KHDRBS2: variants seen among roughly 807,000 people sequenced by gnomAD.
The protein encoded by KHDRBS2 is KH domain-containing, RNA-binding, signal transduction-associated protein 2.
KHDRBS2 carries 26 observed loss-of-function variants against 44.3 expected under a neutral mutation model. The ratio of observed to expected loss-of-function variants is 0.59; its 90% CI spans 0.43 to 0.81. The LOEUF is 0.81. Ranked by LOEUF, KHDRBS2 falls within the 40% of genes least tolerant of loss-of-function variation. The probability of loss-of-function intolerance (pLI) is 0.00; values close to 1 mark genes in which losing one functional copy is unlikely to be tolerated. For synonymous variants in KHDRBS2, 194 were observed against 151.1 expected, an observed-to-expected ratio of 1.28 and a Z score of -2.08; for missense variants, 476 against 433.1, an observed-to-expected ratio of 1.10 and a Z score of -0.88.
chr6:62,090,375 A>G (rs1799267922), intron 2 of KHDRBS2, among the ~76,000 whole-genome samples: 1 of 152,198 alleles, frequency 6.6e-6, no homozygotes, highest in South Asian at 2.1e-4. Flanking sequence ...AATACTCATT[A>G]TCAACTAGTA....
intron 1 of KHDRBS2, among the ~76,000 whole-genome samples, chr6:62,255,603 AAAAC>A (rs1563143479): frequency 1.1e-5 from 1 of 93,280 alleles, no homozygotes; most frequent in Non-Finnish European, 2.0e-5. Context: ...CTCATGCTTT[AAAAC>A]ACACACACAC....
intron 1 of KHDRBS2, among the ~76,000 whole-genome samples, chr6:62,285,582 T>C (rs552683115): frequency 2.6e-5 from 4 of 152,296 alleles, no homozygotes; most frequent in Admixed American, 2.0e-4. Context: ...ACATACACTT[T>C]ATGGTTTCTC....
chr6:62,004,266 A>C (rs1778807796), intron 3 of KHDRBS2, among the ~76,000 whole-genome samples: 4 of 152,170 alleles, frequency 2.6e-5, no homozygotes, highest in Non-Finnish European at 4.4e-5. Flanking sequence ...CAAGACTAGT[A>C]AAGAAGAAAA....
chr6:61,663,656 A>G, the KHDRBS2 span, among the ~76,000 whole-genome samples: 3 of 149,896 alleles, frequency 2.0e-5, no homozygotes, highest in African/African-American at 7.3e-5. Flanking sequence ...CACGTGTATC[A>G]TAAGACCTTA....
At chr6:61,546,287 G>T in the KHDRBS2 span, among the ~76,000 whole-genome samples, 1 of 151,746 alleles carries the variant, frequency 6.6e-6, no homozygotes, top group Non-Finnish European at 1.5e-5. Flanking sequence ...TTATGAAATA[G>T]AATGTAAAAA....
At chr6:61,935,377 C>A (rs553315397) in intron 4 of KHDRBS2, among the ~76,000 whole-genome samples, 1 of 152,244 alleles carries the variant, frequency 6.6e-6, no homozygotes, top group Admixed American at 6.5e-5. Context: ...GAAATAATGG[C>A]TAAGGGATAT....
At chr6:62,259,896 C>A (rs981661937) in intron 1 of KHDRBS2, among the ~76,000 whole-genome samples, 1 of 151,938 alleles carries the variant, frequency 6.6e-6, no homozygotes, top group Non-Finnish European at 1.5e-5. Context: ...AAAATATGTT[C>A]AAATACATTG....
chr6:61,818,320 G>A (rs1214612934), intron 6 of KHDRBS2, among the ~76,000 whole-genome samples: 1 of 147,968 alleles, frequency 6.8e-6, no homozygotes, highest in Non-Finnish European at 1.5e-5. Flanking sequence ...GAAGAGAAAA[G>A]GATAGAAAAA....
intron 6 of KHDRBS2, among the ~76,000 whole-genome samples, chr6:61,892,421 C>A (rs1802023769): frequency 6.6e-6 from 1 of 151,976 alleles, no homozygotes; most frequent in African/African-American, 2.4e-5. Context: ...CATATGGAAC[C>A]AAAAAAGAGC....
intron 2 of KHDRBS2, among the ~76,000 whole-genome samples, chr6:62,070,143 C>G (rs566569245): frequency 4.6e-5 from 7 of 151,462 alleles, no homozygotes; most frequent in Non-Finnish European, 7.4e-5. Flanking sequence ...TATTTGCATC[C>G]CTGAGAGGTC....
chr6:61,746,880 G>A (rs907042055), intron 6 of KHDRBS2, among the ~76,000 whole-genome samples: 8 of 151,982 alleles, frequency 5.3e-5, no homozygotes, highest in African/African-American at 1.9e-4. Context: ...AGACAAACGG[G>A]ATCCAATTAA....
At chr6:61,973,922 GA>G (rs1397263584) in intron 4 of KHDRBS2, among the ~76,000 whole-genome samples, 2 of 151,150 alleles carry the variant, frequency 1.3e-5, no homozygotes, top group Non-Finnish European at 3.0e-5. Flanking sequence ...ATAGTTATTG[GA>G]AGATGTAAAA....
At chr6:62,107,082 G>A (rs959171248) in intron 2 of KHDRBS2, among the ~76,000 whole-genome samples, 44 of 151,274 alleles carry the variant, frequency 2.9e-4, no homozygotes, top group African/African-American at 1.1e-3. Context: ...AGTGTTGGAA[G>A]TTCTGGCCAG....
chr6:61,667,789 G>A, the KHDRBS2 span, among the ~76,000 whole-genome samples: 12 of 151,234 alleles, frequency 7.9e-5, no homozygotes, highest in Non-Finnish European at 1.2e-4. Context: ...AGCATTACTA[G>A]CATTATTTGC....
At chr6:61,836,513 A>G (rs1792701006) in intron 6 of KHDRBS2, among the ~76,000 whole-genome samples, 3 of 152,042 alleles carry the variant, frequency 2.0e-5, no homozygotes, top group Admixed American at 2.0e-4. Context: ...TAGGTGGGAC[A>G]CATTTTTAAT....
At chr6:61,589,872 T>G in the KHDRBS2 span, among the ~76,000 whole-genome samples, 3 of 152,204 alleles carry the variant, frequency 2.0e-5, no homozygotes, top group Admixed American at 6.5e-5. Context: ...ATGAGGGTTA[T>G]AGTCAGTCCC....
At chr6:62,060,605 CTCTG>C (rs1428368168) in intron 2 of KHDRBS2, among the ~76,000 whole-genome samples, 5 of 145,544 alleles carry the variant, frequency 3.4e-5, no homozygotes, top group South Asian at 2.2e-4. Flanking sequence ...CTCTCTCTCT[CTCTG>C]TCTCTCTCTC....
rs566155523 is a variant in KHDRBS2 at position 61,794,653 on chromosome 6, T to G, written c.811-61889A>C. Among the ~76,000 whole-genome samples the G allele has an allele frequency of 2.0e-5, 3 of 152,192 alleles. No individual in the cohort carries two copies. The South Asian group carries it at 6.2e-4, about 32-fold the overall frequency. Reference sequence around the variant, plus strand: ...TCAGAGTAGTGGAAGCTCTGCAAATTAGGAGACCATTGACAATTTGAAATA... The same window carrying G: ...TCAGAGTAGTGGAAGCTCTGCAAATGAGGAGACCATTGACAATTTGAAATA... On this transcript the variant is annotated intron_variant, in intron 6 of 8. Transcript: ENST00000281156.
chr6:62,202,055 AT>A (rs1288817720), intron 1 of KHDRBS2, among the ~76,000 whole-genome samples: 4 of 152,158 alleles, frequency 2.6e-5, no homozygotes, highest in Admixed American at 2.6e-4. Flanking sequence ...GTTTTCAAGC[AT>A]ATAATACGTG....
Sources: gnomAD v4.1 joint callset for allele counts (sites outside exome capture counted in the v4.1 genomes callset) on GRCh38, gnomAD v4.1.1 for gene constraint, MANE v1.5 for transcripts, NCBI Gene and HGNC (gene_info 2026-07-23, HGNC 2026-07-21) for gene names.